Variants in GABRA1 observed in about 807,000 individuals in gnomAD.
GABRA1 encodes the protein gamma-aminobutyric acid receptor subunit alpha-1.
Under a neutral mutation model 48.9 loss-of-function variants are expected in GABRA1, and 9 were observed. The observed-to-expected ratio is 0.18, with a 90% confidence interval of 0.11 to 0.32. The LOEUF is 0.32. Among genes scored for constraint, GABRA1 ranks in the 10% least tolerant of loss-of-function variants. The probability of loss-of-function intolerance (pLI) is 1.00; values close to 1 mark genes in which losing one functional copy is unlikely to be tolerated. For synonymous variants in GABRA1, 210 were observed against 198.7 expected, an observed-to-expected ratio of 1.06 and a Z score of -0.48; for missense variants, 285 against 553.8, an observed-to-expected ratio of 0.51 and a Z score of 4.87.
intron 5 of GABRA1, 106 bp from the exon 6 acceptor site, chr5:161,875,454 G>T: frequency 1.1e-6 from 1 of 878,182 alleles, no homozygotes; most frequent in Non-Finnish European, 1.9e-6. Context: ...CTGCAATTAT[G>T]CCTTCTTTGT....
chr5:161,872,657 G>C (rs903407007), intron 4 of GABRA1, among the ~76,000 whole-genome samples: 1 of 152,054 alleles, frequency 6.6e-6, no homozygotes, highest in African/African-American at 2.4e-5. Context: ...ACTTGGGTGT[G>C]GGCATGAGGT....
At position 161,897,580 on chromosome 5, in the gene GABRA1, C is replaced by A; in HGVS notation, c.*158C>A. 1 of 720,314 alleles carries A rather than the reference C, an allele frequency of 1.4e-6. No individual in the cohort carries two copies. Among genetic ancestry groups the A allele is most frequent in the East Asian group, 2.7e-5 (1 of 37,106 alleles). 44.6% of individuals were successfully genotyped at this position (720,314 alleles called of 1,614,324 possible). On this transcript the variant is annotated 3_prime_UTR_variant, in exon 10 of 10. Transcript: ENST00000393943. ...TTAAGAACAAGAGACCCCTGTCTGG[C>A]AGTCTGGAGCAAAGCAGACTATGCA...
chr5:161,899,247 T>C lies in GABRA1; in HGVS notation c.*1825T>C, dbSNP rs1755510428. On this transcript the variant is annotated 3_prime_UTR_variant, in exon 10 of 10. Transcript: ENST00000393943. ...CAATGATATAGGAAAATACATTGTG[T>C]TTTCCTAAACACACTTTTCTTTTTA... The C allele has an allele frequency of 2.0e-5, 3 of 152,560 alleles. No individual in the cohort carries two copies. The South Asian group carries it at 6.2e-4, about 32-fold the overall frequency. The allele number at this position is 152,560 out of a possible 1,614,324, so 9.5% of individuals were successfully genotyped here.
chr5:161,850,742 A>T (rs1757409062), intron 1 of GABRA1, 54 bp from the exon 2 acceptor site: 2 of 1,466,888 alleles, frequency 1.4e-6, no homozygotes, highest in Admixed American at 3.3e-5. Flanking sequence ...CCTGGTGGTT[A>T]TAACCTGATG....
At chr5:161,863,845 AT>A (rs774521468) in intron 3 of GABRA1, among the ~76,000 whole-genome samples, 25 of 151,946 alleles carry the variant, frequency 1.6e-4, no homozygotes, top group Non-Finnish European at 3.2e-4. Flanking sequence ...GCAGCCCCAA[AT>A]AATTTGGGGA....
intron 3 of GABRA1, among the ~76,000 whole-genome samples, chr5:161,857,910 C>T (rs1757710918): frequency 6.7e-6 from 1 of 149,676 alleles, no homozygotes; most frequent in Admixed American, 6.7e-5. Flanking sequence ...TTACCTAAAG[C>T]ATGGTCAGTG....
chr5:161,854,924 T>C (rs1757589540), intron 3 of GABRA1, among the ~76,000 whole-genome samples: 1 of 151,566 alleles, frequency 6.6e-6, no homozygotes, highest in African/African-American at 2.4e-5. Context: ...GTTCTAGGAA[T>C]TGCACACATT....
At chr5:161,890,417 G>T (rs1056796157) in intron 7 of GABRA1, among the ~76,000 whole-genome samples, 14 of 152,106 alleles carry the variant, frequency 9.2e-5, no homozygotes, top group African/African-American at 3.4e-4. Context: ...TGATGTCAAA[G>T]AGATATTTAA....
At chr5:161,881,509 T>C (rs1375537807) in intron 6 of GABRA1, among the ~76,000 whole-genome samples, 2 of 152,136 alleles carry the variant, frequency 1.3e-5, no homozygotes, top group Non-Finnish European at 2.9e-5. Context: ...AGAAGAGTGA[T>C]AGAATGTAAC....
chr5:161,870,940 G>A (rs1754088308), intron 4 of GABRA1, among the ~76,000 whole-genome samples: 1 of 147,364 alleles, frequency 6.8e-6, no homozygotes, highest in Non-Finnish European at 1.5e-5. Flanking sequence ...ACCAGCGAGT[G>A]TTGCTCTGTG....
chr5:161,893,134 T>C (rs900434417), intron 8 of GABRA1, among the ~76,000 whole-genome samples: 1 of 151,740 alleles, frequency 6.6e-6, no homozygotes, highest in African/African-American at 2.4e-5. Flanking sequence ...CTTTAAAAGG[T>C]GATTTACCCC....
chr5:161,859,691 C>T (rs1359964937), intron 3 of GABRA1, among the ~76,000 whole-genome samples: 1 of 151,728 alleles, frequency 6.6e-6, no homozygotes, highest in African/African-American at 2.4e-5. Flanking sequence ...CAGAGAGAAA[C>T]ATTTTGTTCA....
chr5:161,861,618 C>T (rs12653365), intron 3 of GABRA1, among the ~76,000 whole-genome samples: 11,170 of 151,808 alleles, frequency 0.074, 465 homozygotes, highest in South Asian at 0.12. Context: ...ACAGCCAAAA[C>T]TAAGTAGCTC....
At chr5:161,861,968 G>C (rs1253269257) in intron 3 of GABRA1, among the ~76,000 whole-genome samples, 1 of 151,910 alleles carries the variant, frequency 6.6e-6, no homozygotes, top group Non-Finnish European at 1.5e-5. Flanking sequence ...CCATGGAACT[G>C]TTACTCTGAG....
intron 5 of GABRA1, among the ~76,000 whole-genome samples, chr5:161,874,131 G>T (rs1212527020): frequency 6.6e-6 from 1 of 152,086 alleles, no homozygotes; most frequent in Non-Finnish European, 1.5e-5. Flanking sequence ...CAGTAATTCA[G>T]ATTTTTCAAT....
intron 8 of GABRA1, among the ~76,000 whole-genome samples, chr5:161,893,338 T>A (rs1004778085): frequency 1.3e-5 from 2 of 152,126 alleles, no homozygotes; most frequent in Non-Finnish European, 2.9e-5. Context: ...AGTTTTATGT[T>A]TCTAATATTT....
At chr5:161,876,506 A>G (rs1384908457) in intron 6 of GABRA1, among the ~76,000 whole-genome samples, 1 of 152,184 alleles carries the variant, frequency 6.6e-6, no homozygotes, top group Admixed American at 6.6e-5. Context: ...TGGTGAAGAT[A>G]TGATTCATAG....
intron 3 of GABRA1, among the ~76,000 whole-genome samples, chr5:161,864,811 TA>T (rs1757990187): frequency 5.0e-5 from 4 of 79,322 alleles, no homozygotes; most frequent in Non-Finnish European, 7.3e-5. Flanking sequence ...AAAAATAATT[TA>T]AAAAGTAAAT....
At chr5:161,875,301 G>A (rs1189382857) in intron 5 of GABRA1, among the ~76,000 whole-genome samples, 1 of 152,088 alleles carries the variant, frequency 6.6e-6, no homozygotes, top group Non-Finnish European at 1.5e-5. Flanking sequence ...TGGTCGTTTT[G>A]GAAAATATTA....
Sources: allele counts gnomAD v4.1 joint callset (sites outside exome capture counted in the v4.1 genomes callset), GRCh38; gene constraint gnomAD v4.1.1; transcripts MANE v1.5; gene names NCBI Gene and HGNC (gene_info 2026-07-23, HGNC 2026-07-21).